The following PACRG variants were observed in gnomAD, a reference collection of about 807,000 sequenced individuals.
PACRG encodes parkin coregulated.
A neutral mutation model predicts 29.7 loss-of-function variants in PACRG; 29 were observed. That is an observed-to-expected ratio of 0.98 (90% CI 0.73 to 1.33). PACRG has a LOEUF of 1.33. Ranked by LOEUF, PACRG falls within the 40% of genes most tolerant of loss-of-function variation. The probability of loss-of-function intolerance (pLI) is 0.00; values close to 1 mark genes in which losing one functional copy is unlikely to be tolerated. For synonymous variants in PACRG, 116 were observed against 118.7 expected (o/e 0.98, Z 0.15); for missense variants, 279 against 316.2 (o/e 0.88, Z 0.89).
chr6:163,153,681 A>G (rs1199074799), intron 4 of PACRG, among the ~76,000 whole-genome samples: 1 of 152,254 alleles, frequency 6.6e-6, no homozygotes, highest in African/African-American at 2.4e-5. Flanking sequence ...ATCAATGCAA[A>G]GTAGTGTCTT....
At chr6:162,957,342 A>G (rs1800127415) in intron 2 of PACRG, 3 of 615,324 alleles carry the variant, frequency 4.9e-6, no homozygotes, top group Admixed American at 2.2e-5. Context: ...CACTCATGGA[A>G]CCACCACAGG....
intron 4 of PACRG, among the ~76,000 whole-genome samples, chr6:163,154,715 T>C (rs1371218340): frequency 1.3e-5 from 2 of 152,202 alleles, no homozygotes; most frequent in Non-Finnish European, 2.9e-5. Flanking sequence ...CATGAAATAT[T>C]TAAGACATGC....
chr6:163,088,845 A>C lies in PACRG; in HGVS notation c.464-414A>C, dbSNP rs117904282. Among the ~76,000 whole-genome samples the C allele has an allele frequency of 3.5e-3, 525 of 152,166 alleles. 14 individuals are homozygous for C. The highest frequency in any genetic ancestry group is 0.027 in the Admixed American group (419 of 15,294). On this transcript the variant is annotated intron_variant, in intron 3 of 4. Coordinates refer to ENST00000366888, the MANE Select transcript of PACRG (RefSeq NM_001080379.2). The stretch of plus-strand genomic sequence containing the variant: ...CTTCCCAAATGTTCGTTCCATGTTA[A>C]TGGTTTTAAGAATTGTATGGATTGT...
intron 2 of PACRG, among the ~76,000 whole-genome samples, chr6:162,816,003 G>A (rs1490065367): frequency 3.9e-5 from 6 of 152,164 alleles, no homozygotes; most frequent in South Asian, 4.1e-4. Context: ...GCAACCTTTA[G>A]AAGTGTAGAG....
At chr6:162,793,504 T>C (rs1429004519) in intron 1 of PACRG, among the ~76,000 whole-genome samples, 2 of 152,188 alleles carry the variant, frequency 1.3e-5, no homozygotes, top group Non-Finnish European at 2.9e-5. Flanking sequence ...TGGAATATTG[T>C]CTTGTTGCTT....
At chr6:163,045,444 G>C (rs580843) in intron 2 of PACRG, among the ~76,000 whole-genome samples, 89,082 of 151,782 alleles carry the variant, frequency 0.59, 28,418 homozygotes, top group East Asian at 0.96. Flanking sequence ...TCTGCCTCAG[G>C]CTCCCAAGTA....
At chr6:162,767,699 G>T (rs1782905363) in intron 1 of PACRG, among the ~76,000 whole-genome samples, 1 of 151,298 alleles carries the variant, frequency 6.6e-6, no homozygotes, top group Admixed American at 6.6e-5. Flanking sequence ...AAAGAATTTT[G>T]TTTTCTTATT....
intron 4 of PACRG, among the ~76,000 whole-genome samples, chr6:163,241,880 C>A (rs1655465756): frequency 6.6e-6 from 1 of 152,136 alleles, no homozygotes; most frequent in South Asian, 2.1e-4. Context: ...AAGTCCAGCC[C>A]CCGTCTGGCA....
chr6:162,798,518 G>T (rs1221469352), intron 1 of PACRG, among the ~76,000 whole-genome samples: 2 of 152,036 alleles, frequency 1.3e-5, no homozygotes, highest in Non-Finnish European at 2.9e-5. Flanking sequence ...TAATTTTACA[G>T]CAAGTGAGGC....
intron 1 of PACRG, among the ~76,000 whole-genome samples, chr6:162,802,815 G>T (rs1178683669): frequency 6.6e-6 from 1 of 151,488 alleles, no homozygotes; most frequent in African/African-American, 2.4e-5. Context: ...TCTCTCACTT[G>T]TTGAATTTTA....
intron 4 of PACRG, among the ~76,000 whole-genome samples, chr6:163,134,137 A>G (rs1341127597): frequency 1.3e-5 from 2 of 152,214 alleles, no homozygotes; most frequent in African/African-American, 4.8e-5. Flanking sequence ...GGGGTCCCCT[A>G]TCTTTCCCTT....
intron 4 of PACRG, among the ~76,000 whole-genome samples, chr6:163,093,214 C>T (rs1185296777): frequency 3.3e-5 from 5 of 152,178 alleles, no homozygotes; most frequent in African/African-American, 4.8e-5. Context: ...GCCTGGGCCA[C>T]GGTCCTCTTT....
intron 1 of PACRG, among the ~76,000 whole-genome samples, chr6:162,787,036 A>T (rs1320556423): frequency 6.6e-6 from 1 of 152,194 alleles, no homozygotes; most frequent in Admixed American, 6.5e-5. Context: ...TTCTGCCATG[A>T]GTAATAGTTT....
At chr6:162,921,306 G>C (rs942636180) in intron 2 of PACRG, among the ~76,000 whole-genome samples, 1 of 152,106 alleles carries the variant, frequency 6.6e-6, no homozygotes, top group Non-Finnish European at 1.5e-5. Flanking sequence ...CAGGTGGTGG[G>C]GCAGGGCAGT....
chr6:162,915,810 G>C (rs1796660383), intron 2 of PACRG, among the ~76,000 whole-genome samples: 1 of 152,088 alleles, frequency 6.6e-6, no homozygotes, highest in African/African-American at 2.4e-5. Context: ...TGGAACCATA[G>C]AGGTCTCTTT....
At chr6:163,183,982 G>A (rs1156966319) in intron 4 of PACRG, among the ~76,000 whole-genome samples, 2 of 152,214 alleles carry the variant, frequency 1.3e-5, no homozygotes, top group Non-Finnish European at 2.9e-5. Context: ...CACTGGAACA[G>A]TATTTTGGCT....
At chr6:162,783,908 T>A (rs995722316) in intron 1 of PACRG, among the ~76,000 whole-genome samples, 12 of 152,122 alleles carry the variant, frequency 7.9e-5, no homozygotes, top group Non-Finnish European at 1.2e-4. Flanking sequence ...CTTCATCTCC[T>A]TGCTTTTGTG....
intron 2 of PACRG, among the ~76,000 whole-genome samples, chr6:163,035,295 C>G (rs1327395128): frequency 1.3e-5 from 2 of 151,934 alleles, no homozygotes; most frequent in Non-Finnish European, 1.5e-5. Context: ...GGTAGATCAC[C>G]TAAGGTCAGG....
intron 2 of PACRG, among the ~76,000 whole-genome samples, chr6:162,831,409 T>C (rs188742951): frequency 6.6e-6 from 1 of 152,336 alleles, no homozygotes; most frequent in East Asian, 1.9e-4. Context: ...CTGGTAGTGC[T>C]TGAGATCTTG....
Sources: allele counts gnomAD v4.1 joint callset (sites outside exome capture counted in the v4.1 genomes callset), GRCh38; gene constraint gnomAD v4.1.1; transcripts MANE v1.5; gene names NCBI Gene and HGNC (gene_info 2026-07-23, HGNC 2026-07-21).